Variants in RBM15 observed in about 807,000 individuals in gnomAD.
The protein encoded by RBM15 is RNA binding motif protein 15.
A neutral mutation model predicts 62.6 loss-of-function variants in RBM15; 8 were observed. That is an observed-to-expected ratio of 0.13 (90% CI 0.07 to 0.23). The LOEUF (loss-of-function observed/expected upper bound fraction) is 0.23. Among genes scored for constraint, RBM15 ranks in the 10% least tolerant of loss-of-function variants. RBM15 has a pLI of 1.00. For missense variants in RBM15, 1,144 were observed against 1,286.5 expected (o/e 0.89, Z 1.69); for synonymous variants, 606 against 505.7 (o/e 1.20, Z -2.66).
In RBM15 at chr1:110,340,485, A is replaced by G; in HGVS notation, c.1080A>G (p.Glu360=). Residue 360 remains glutamate, a synonymous_variant, in exon 1 of 3, where the codon GAA becomes GAG. Coordinates refer to ENST00000369784, the MANE Select transcript of RBM15 (RefSeq NM_022768.5). This position sits in a 1 kb window ranked among gnomAD's most constrained non-coding sequence, Gnocchi z 5.8. ...GAGAGAAPFR[E]VDEISPEDDQ... The stretch of plus-strand genomic sequence containing the variant: ...GAGCAGGTGCTGCTCCTTTCAGAGA[A>G]GTGGATGAGATTTCACCCGAGGATG... 1 of 1,614,184 alleles carries G rather than the reference A, an allele frequency of 6.2e-7. No homozygotes were observed. Among genetic ancestry groups the G allele is most frequent in the Non-Finnish European group, 8.5e-7 (1 of 1,180,044 alleles).
At chr1:110,344,700 T>G (rs1660866052) in intron 1 of RBM15, among the ~76,000 whole-genome samples, 1 of 152,192 alleles carries the variant, frequency 6.6e-6, no homozygotes, top group Admixed American at 6.5e-5. Flanking sequence ...TAGTTAAACC[T>G]TAAGAATTCA....
At chr1:110,343,447 A>G (rs1027820046) in intron 1 of RBM15, among the ~76,000 whole-genome samples, 2 of 152,008 alleles carry the variant, frequency 1.3e-5, no homozygotes, top group Non-Finnish European at 2.9e-5. Context: ...AGTGTAGGAA[A>G]ACCTTTTTTA....
At chr1:110,342,306 C>G (rs745906657) in intron 1 of RBM15, 38 bp downstream of exon 1, 16 of 1,487,122 alleles carry the variant, frequency 1.1e-5, no homozygotes, top group Admixed American at 2.2e-5. Flanking sequence ...GTATTTACTA[C>G]TTTGACATGG....
chr1:110,342,242 A>G lies in RBM15; in HGVS notation c.2837A>G (p.Asp946Gly). Residue 946 changes from aspartate (D) to glycine (G), a missense_variant, in exon 1 of 3, where the codon GAT (aspartate) becomes GGT (glycine). This residue lies in a region of RBM15 where 144 missense variants were observed against 223.3 expected (regional missense o/e 0.64). Coordinates refer to ENST00000369784, the MANE Select transcript of RBM15 (RefSeq NM_022768.5). ...AAGGCACTGGCCAAATCTGAAGAAG[A>G]TTACCTGGTCATGATCATTGTCCGT... is the stretch of plus-strand genomic sequence containing the variant. ...PAKALAKSEE[D>G]YLVMIIVRGF... is the part of the protein sequence containing the mutation. 6.3e-7 allele frequency: 1 copy of G among 1,599,834 alleles called. No individual in the cohort carries two copies. The highest frequency in any genetic ancestry group is 8.5e-7 in the Non-Finnish European group (1 of 1,172,432).
Position 110,346,354 on chromosome 1 carries a change from A to G in RBM15, c.*87A>G, listed in dbSNP as rs1660897945. ...TGAAGATATGGAATTCAAAGCTCTA[A>G]TGGACCTTTTTGAAGAGAAGTTGTG... On this transcript the variant is annotated 3_prime_UTR_variant, in exon 3 of 3. Coordinates refer to ENST00000369784, the MANE Select transcript of RBM15 (RefSeq NM_022768.5). The G allele has an allele frequency of 6.3e-7, 1 of 1,598,080 alleles. No homozygotes were observed. Among genetic ancestry groups the G allele is most frequent in the African/African-American group, 1.3e-5 (1 of 74,912 alleles).
rs746596613 is a variant in RBM15, at chr1:110,341,810, A to G, written c.2405A>G (p.Asn802Ser). The change falls in exon 1 of 3, where the codon AAC becomes AGC. Residue 802 changes from asparagine (N) to serine (S), a missense_variant. By Grantham distance (46) the Asn-to-Ser change is conservative. Around this residue, in one of 8 missense-constraint regions of RBM15, gnomAD observed 144 missense variants for 223.3 expected, o/e 0.64. Coordinates refer to ENST00000369784, the MANE Select transcript of RBM15 (RefSeq NM_022768.5). This position sits in a 1 kb window ranked among gnomAD's most constrained non-coding sequence, Gnocchi z 4.5. The stretch of plus-strand genomic sequence containing the variant: ...CTGAAGAACAGCAACTTTCCTTCCA[A>G]CATGCATCTGTTGCAGGGTGACCTC... ...LLLKNSNFPS[N>S]MHLLQGDLQV... 2 of 1,614,198 alleles carry G rather than the reference A, an allele frequency of 1.2e-6. No individual in the cohort carries two copies. The highest frequency in any genetic ancestry group is 8.5e-7 in the Non-Finnish European group (1 of 1,180,034).
At chr1:110,345,495 T>C (rs1314190763) in intron 1 of RBM15, 44 bp from the exon 2 acceptor site, 1 of 1,401,136 alleles carries the variant, frequency 7.1e-7, no homozygotes, top group Admixed American at 1.7e-5. Context: ...GAAAAAAATT[T>C]TGGAGAGAAT....
rs1048093259 is a variant in RBM15, at chr1:110,340,423, C to T, written c.1018C>T (p.Arg340Cys). The T allele has an allele frequency of 1.2e-6, 2 of 1,614,190 alleles. No individual in the cohort carries two copies. The highest frequency in any genetic ancestry group is 1.7e-5 in the Admixed American group (1 of 60,020). ...AGACTACCCGTTCTATGAGAGAGTG[C>T]GCCCTGCATACAGTCTTGAGCCAAG... ...ERDYPFYERV[R>C]PAYSLEPRVG... The change falls in exon 1 of 3, where the codon CGC (arginine) becomes TGC (cysteine). Residue 340 changes from arginine to cysteine, a missense_variant. Arg to Cys is a radical substitution (Grantham distance 180). This residue lies in a region of RBM15 where 33 missense variants were observed against 39.6 expected (regional missense o/e 0.83). Transcript: ENST00000369784. The surrounding 1 kb of genome is among the most constrained non-coding windows in gnomAD (Gnocchi z 5.8).
rs1429242637 is a variant in RBM15 at position 110,340,256 on chromosome 1, C to T, written c.851C>T (p.Pro284Leu). The T allele has an allele frequency of 6.2e-7, 1 of 1,614,100 alleles. No homozygotes were observed. The highest frequency in any genetic ancestry group is 8.5e-7 in the Non-Finnish European group (1 of 1,180,026). ...TCTGTAGGTGGTCACCGGCACCCCC[C>T]TGGAGGTGGTGGAGGCCAGAGATCA... ...GASVGGHRHP[P>L]GGGGGQRSLS... Residue 284 changes from proline to leucine, a missense_variant, in exon 1 of 3, where the codon CCT becomes CTT. Transcript: ENST00000369784. This position sits in a 1 kb window ranked among gnomAD's most constrained non-coding sequence, Gnocchi z 5.8.
At chr1:110,345,779 A>T (rs776197425) in intron 2 of RBM15, 130 bp downstream of exon 2, 2 of 625,932 alleles carry the variant, frequency 3.2e-6, no homozygotes, top group Non-Finnish European at 5.5e-6. Context: ...TTATTAAAAT[A>T]ACGGCTGCTG....
In RBM15 at chr1:110,340,192, A is replaced by T; in HGVS notation, c.787A>T (p.Lys263Ter). The T allele has an allele frequency of 6.2e-7, 1 of 1,614,096 alleles. No individual in the cohort carries two copies. Among genetic ancestry groups the T allele is most frequent in the Non-Finnish European group, 8.5e-7 (1 of 1,179,976 alleles). ...SRRRSRSPLD[K>*]DTYPPSASVV... is the part of the protein sequence containing the mutation. ...GCGCCGCAGCCGCTCCCCTTTAGAC[A>T]AAGATACTTATCCTCCATCAGCCAG... Residue 263 changes from lysine (K) to a stop codon, truncating the protein, a stop_gained, in exon 1 of 3, where the codon AAA becomes TAA. Transcript: ENST00000369784. LOFTEE classifies it high-confidence loss of function. The surrounding 1 kb of genome is among the most constrained non-coding windows in gnomAD (Gnocchi z 5.8).
chr1:110,346,201 G>C, intron 2 of RBM15, 107 bp from the exon 3 acceptor site: 1 of 1,127,246 alleles, frequency 8.9e-7, no homozygotes, highest in South Asian at 1.3e-5. Context: ...CATCCAGGAA[G>C]GTCTTGTTAA....
chr1:110,341,300 T>C lies in RBM15; in HGVS notation c.1895T>C (p.Leu632Pro). ...SLDRDRGDRD[L>P]PSSRDQPRKR... ...GACCGGGACAGAGGTGATCGAGATC[T>C]GCCCAGCAGCAGAGACCAGCCTAGG... Residue 632 changes from leucine (L) to proline (P), a missense_variant, in exon 1 of 3, where the codon CTG (leucine) becomes CCG (proline). Coordinates refer to ENST00000369784, the MANE Select transcript of RBM15 (RefSeq NM_022768.5). This position sits in a 1 kb window ranked among gnomAD's most constrained non-coding sequence, Gnocchi z 4.5. 6.2e-7 allele frequency: 1 copy of C among 1,614,116 alleles called. No individual in the cohort carries two copies. Among genetic ancestry groups the C allele is most frequent in the Non-Finnish European group, 8.5e-7 (1 of 1,180,008 alleles).
Position 110,341,843 on chromosome 1 carries a change from C to T in RBM15, c.2438C>T (p.Ala813Val). Reference protein sequence around the residue: ...MHLLQGDLQVASSLLVEGSTG... With the variant: ...MHLLQGDLQVVSSLLVEGSTG... Reference sequence around the variant, plus strand: ...CTGTTGCAGGGTGACCTCCAAGTGGCTAGTAGTCTTCTTGTGGAGGGTTCA... The same window carrying T: ...CTGTTGCAGGGTGACCTCCAAGTGGTTAGTAGTCTTCTTGTGGAGGGTTCA... Residue 813 changes from alanine to valine, a missense_variant, in exon 1 of 3, where the codon GCT (alanine) becomes GTT (valine). Physicochemically the swap from Ala to Val is moderately conservative, Grantham distance 64 (BLOSUM62 0). Transcript: ENST00000369784. The surrounding 1 kb of genome is among the most constrained non-coding windows in gnomAD (Gnocchi z 4.5). 6.2e-7 allele frequency: 1 copy of T among 1,614,228 alleles called. No homozygotes were observed. The highest frequency in any genetic ancestry group is 8.5e-7 in the Non-Finnish European group (1 of 1,180,032).
Position 110,339,845 on chromosome 1 carries a change from G to T in RBM15, c.440G>T (p.Gly147Val). 6.3e-7 allele frequency: 1 copy of T among 1,599,318 alleles called. No individual in the cohort carries two copies. The highest frequency in any genetic ancestry group is 1.1e-5 in the South Asian group (1 of 90,386). ...GGESRSSSRG[G>V]GGESRSSGAA... ...GAATCGCGCAGCAGCTCCCGGGGTG[G>T]AGGCGGGGAGTCACGTTCCTCTGGG... Residue 147 changes from glycine (G) to valine (V), a missense_variant, in exon 1 of 3, where the codon GGA (glycine) becomes GTA (valine). This residue lies in a region of RBM15 where 298 missense variants were observed against 250.0 expected (regional missense o/e 1.19). Coordinates refer to ENST00000369784, the MANE Select transcript of RBM15 (RefSeq NM_022768.5).
chr1:110,345,536 C>A lies in RBM15; in HGVS notation c.2864-3C>A. 1 of 1,599,774 alleles carries A rather than the reference C, an allele frequency of 6.3e-7. No individual in the cohort carries two copies. The highest frequency in any genetic ancestry group is 8.5e-7 in the Non-Finnish European group (1 of 1,169,670). ...GACATTTTTTTTTCTGTCTCTCTCACAGGGTTTGGTTTTCAGATAGGAGTT... is the reference window on the plus strand; with the variant it reads ...GACATTTTTTTTTCTGTCTCTCTCAAAGGGTTTGGTTTTCAGATAGGAGTT... On this transcript the variant is annotated splice_region_variant and splice_polypyrimidine_tract_variant and intron_variant, in intron 1 of 2. Transcript: ENST00000369784.
At position 110,341,635 on chromosome 1, in the gene RBM15, A is replaced by C. The variant is rs765781931; in HGVS notation, c.2230A>C (p.Lys744Gln). Residue 744 changes from lysine (K) to glutamine (Q), a missense_variant, in exon 1 of 3, where the codon AAA becomes CAA. This residue lies in a region of RBM15 where 360 missense variants were observed against 342.9 expected (regional missense o/e 1.05). Coordinates refer to ENST00000369784, the MANE Select transcript of RBM15 (RefSeq NM_022768.5). This position sits in a 1 kb window ranked among gnomAD's most constrained non-coding sequence, Gnocchi z 4.5. ...TCCCACTGAGGGAAAAAGCCCTCTG[A>C]AAAAAGAAGACCGCTCTGATGGGAG... ...TAPTEGKSPL[K>Q]KEDRSDGSAP... 2 of 1,614,154 alleles carry C rather than the reference A, an allele frequency of 1.2e-6. No homozygotes were observed. The highest frequency in any genetic ancestry group is 1.7e-5 in the Admixed American group (1 of 60,020).
rs1570611478 is a variant in RBM15, at chr1:110,341,191, C to T, written c.1786C>T (p.Arg596Cys). 1 of 1,614,110 alleles carries T rather than the reference C, an allele frequency of 6.2e-7. No homozygotes were observed. The highest frequency in any genetic ancestry group is 1.7e-5 in the Admixed American group (1 of 60,022). The change falls in exon 1 of 3, where the codon CGC becomes TGC. Residue 596 changes from arginine (R) to cysteine (C), a missense_variant. By Grantham distance (180) the Arg-to-Cys change is radical. Around this residue, in one of 8 missense-constraint regions of RBM15, gnomAD observed 360 missense variants for 342.9 expected, o/e 1.05. Coordinates refer to ENST00000369784, the MANE Select transcript of RBM15 (RefSeq NM_022768.5). The surrounding 1 kb of genome is among the most constrained non-coding windows in gnomAD (Gnocchi z 4.5). The stretch of plus-strand genomic sequence containing the variant: ...GCCACCCCCACCCCCAGTCCGAGAA[C>T]GCAGCACTCGGACTGCAGCTACTTC... ...WVPPPPPVRE[R>C]STRTAATSVP...
At position 110,342,029 on chromosome 1, in the gene RBM15, C is replaced by T; in HGVS notation, c.2624C>T (p.Ser875Leu). The T allele has an allele frequency of 6.2e-7, 1 of 1,614,250 alleles. No homozygotes were observed. The highest frequency in any genetic ancestry group is 8.5e-7 in the Non-Finnish European group (1 of 1,180,046). ...GSSDSRSSSSSAASDTATSTQ... is the reference protein window; with the variant it reads ...GSSDSRSSSSLAASDTATSTQ... ...TCTGACAGCCGGTCCTCCTCTTCCT[C>T]AGCTGCATCAGACACTGCCACTTCT... Residue 875 changes from serine to leucine, a missense_variant, in exon 1 of 3, where the codon TCA becomes TTA. Ser to Leu is a moderately radical substitution (Grantham distance 145). Coordinates refer to ENST00000369784, the MANE Select transcript of RBM15 (RefSeq NM_022768.5).
Sources: gnomAD v4.1 joint callset for allele counts (sites outside exome capture counted in the v4.1 genomes callset) on GRCh38, gnomAD v4.1.1 for gene constraint, gnomAD v4.1.1 regional missense constraint, Gnocchi (gnomAD v3.1) non-coding constraint, MANE v1.5 for transcripts, NCBI Gene and HGNC (gene_info 2026-07-23, HGNC 2026-07-21) for gene names.